Variants in RAB38 observed in about 807,000 individuals in gnomAD.
The protein encoded by RAB38 is ras-related protein Rab-38.
Under a neutral mutation model 18.4 loss-of-function variants are expected in RAB38, and 15 were observed. The observed-to-expected ratio is 0.82, with a 90% confidence interval of 0.55 to 1.26. The LOEUF is 1.26. Among genes scored for constraint, RAB38 ranks in the 50% most tolerant of loss-of-function variants. RAB38 has a pLI of 0.00. For missense variants in RAB38, 294 were observed against 267.4 expected (o/e 1.10, Z -0.69); for synonymous variants, 101 against 104.4 (o/e 0.97, Z 0.20).
the RAB38 span, among the ~76,000 whole-genome samples, chr11:88,073,983 A>G: frequency 6.6e-6 from 1 of 150,838 alleles, no homozygotes; most frequent in South Asian, 2.1e-4. Context: ...ATACACAGTC[A>G]AAGGAGAAAA....
the RAB38 span, among the ~76,000 whole-genome samples, chr11:87,960,315 C>T: frequency 6.6e-6 from 1 of 151,484 alleles, no homozygotes; most frequent in South Asian, 2.1e-4. Flanking sequence ...GCTGAGATTA[C>T]CTGTCTAGTG....
chr11:87,959,456 C>T, the RAB38 span, among the ~76,000 whole-genome samples: 1 of 152,074 alleles, frequency 6.6e-6, no homozygotes, highest in Non-Finnish European at 1.5e-5. Flanking sequence ...TCTTCAAGAC[C>T]ACACTATTCC....
At chr11:87,954,870 TGAAAGAA>T in the RAB38 span, among the ~76,000 whole-genome samples, 1 of 152,168 alleles carries the variant, frequency 6.6e-6, no homozygotes, top group Non-Finnish European at 1.5e-5. Flanking sequence ...CCCGTGTTTA[TGAAAGAA>T]GAAACAAGTG....
the RAB38 span, among the ~76,000 whole-genome samples, chr11:87,904,005 GT>G: frequency 6.6e-6 from 1 of 150,422 alleles, no homozygotes; most frequent in Non-Finnish European, 1.5e-5. Context: ...TGTATTATTT[GT>G]TTTCTATTTA....
At chr11:87,910,021 G>C in the RAB38 span, among the ~76,000 whole-genome samples, 6 of 152,008 alleles carry the variant, frequency 3.9e-5, no homozygotes, top group African/African-American at 1.4e-4. Flanking sequence ...TTATGTTTCT[G>C]CCAGTAATAT....
At chr11:87,814,005 G>A in the RAB38 span, among the ~76,000 whole-genome samples, 5,669 of 152,212 alleles carry the variant, frequency 0.037, 150 homozygotes, top group Middle Eastern at 0.12. Flanking sequence ...AGGGATGCTT[G>A]CATGTGTAAT....
chr11:87,870,503 G>C, the RAB38 span, among the ~76,000 whole-genome samples: 2 of 148,714 alleles, frequency 1.3e-5, no homozygotes, highest in Non-Finnish European at 1.5e-5. Flanking sequence ...TTTCTCATCA[G>C]GGGTCCGTGA....
At chr11:88,079,667 A>G in the RAB38 span, among the ~76,000 whole-genome samples, 2 of 151,780 alleles carry the variant, frequency 1.3e-5, no homozygotes, top group South Asian at 2.1e-4. Context: ...TACAAACCAA[A>G]CCTAGTAATA....
the RAB38 span, among the ~76,000 whole-genome samples, chr11:87,806,203 G>C: frequency 6.6e-6 from 1 of 152,134 alleles, no homozygotes; most frequent in African/African-American, 2.4e-5. Context: ...ATGATATGCA[G>C]CTTAGTCCAT....
chr11:87,908,550 A>T, the RAB38 span, among the ~76,000 whole-genome samples: 9 of 152,130 alleles, frequency 5.9e-5, no homozygotes, highest in African/African-American at 1.9e-4. Context: ...TGAATTAATC[A>T]CAGTCTAATT....
the RAB38 span, among the ~76,000 whole-genome samples, chr11:88,047,190 A>G: frequency 1.3e-5 from 2 of 152,040 alleles, no homozygotes; most frequent in Non-Finnish European, 2.9e-5. Flanking sequence ...CTTCAGCTGT[A>G]CTCACTCTTT....
At chr11:88,003,850 AT>A in the RAB38 span, among the ~76,000 whole-genome samples, 88 of 32,402 alleles carry the variant, frequency 2.7e-3, 10 homozygotes, top group African/African-American at 8.1e-3. Context: ...ATTTATATAT[AT>A]AATTATATAA....
At chr11:88,172,697 G>A (rs1024082283) in intron 1 of RAB38, among the ~76,000 whole-genome samples, 1 of 152,202 alleles carries the variant, frequency 6.6e-6, no homozygotes, top group East Asian at 1.9e-4. Flanking sequence ...GCTGACTGGA[G>A]TCTGGGTGGG....
chr11:88,022,172 A>T, the RAB38 span, among the ~76,000 whole-genome samples: 2 of 152,166 alleles, frequency 1.3e-5, no homozygotes, highest in Non-Finnish European at 2.9e-5. Context: ...TATCCCAGGG[A>T]TGTAAGGATG....
At chr11:87,814,497 A>C in the RAB38 span, among the ~76,000 whole-genome samples, 1 of 152,242 alleles carries the variant, frequency 6.6e-6, no homozygotes. Context: ...TGCATGAAGT[A>C]CATAAAAGCA....
chr11:88,146,539 T>C (rs981922895), intron 2 of RAB38, among the ~76,000 whole-genome samples: 1 of 152,002 alleles, frequency 6.6e-6, no homozygotes, highest in African/African-American at 2.4e-5. Flanking sequence ...CTACCATCTC[T>C]GCTTCAGGCA....
the RAB38 span, among the ~76,000 whole-genome samples, chr11:87,946,701 C>A: frequency 6.6e-6 from 1 of 152,186 alleles, no homozygotes; most frequent in Non-Finnish European, 1.5e-5. Flanking sequence ...TCATCCATGT[C>A]CCTACAAAGG....
the RAB38 span, among the ~76,000 whole-genome samples, chr11:88,065,829 G>A: frequency 6.6e-6 from 1 of 152,142 alleles, no homozygotes. Context: ...GTTCATCATG[G>A]CACAGAGGAA....
the RAB38 span, among the ~76,000 whole-genome samples, chr11:87,957,057 GC>G: frequency 2.0e-5 from 3 of 151,910 alleles, no homozygotes; most frequent in Non-Finnish European, 2.9e-5. Context: ...AATTGGCTGT[GC>G]TTTTCTCTTA....
Sources: allele counts gnomAD v4.1 joint callset (sites outside exome capture counted in the v4.1 genomes callset), GRCh38; gene constraint gnomAD v4.1.1; transcripts MANE v1.5; gene names NCBI Gene and HGNC (gene_info 2026-07-23, HGNC 2026-07-21).